Variants in ATRNL1 observed in about 807,000 individuals in gnomAD.
ATRNL1 encodes the protein attractin-like protein 1.
A neutral mutation model predicts 182.7 loss-of-function variants in ATRNL1; 95 were observed. The observed-to-expected ratio is 0.52, with a 90% CI of 0.44 to 0.62. ATRNL1 has a LOEUF of 0.62. Among genes scored for constraint, ATRNL1 ranks in the 20% least tolerant of loss-of-function variants. The pLI, the probability that ATRNL1 is intolerant of heterozygous loss-of-function variation, is 0.00. For synonymous variants in ATRNL1, 576 were observed against 568.3 expected, an observed-to-expected ratio of 1.01 and a Z score of -0.19; for missense variants, 1,471 against 1,679.5, an observed-to-expected ratio of 0.88 and a Z score of 2.17.
At chr10:115,681,577 G>T (rs1946047484) in intron 26 of ATRNL1, among the ~76,000 whole-genome samples, 1 of 152,032 alleles carries the variant, frequency 6.6e-6, no homozygotes, top group Non-Finnish European at 1.5e-5. Context: ...TTGATAGAAG[G>T]TTGTGTTTTT....
intron 5 of ATRNL1, among the ~76,000 whole-genome samples, chr10:115,150,862 A>G (rs1229183844): frequency 6.6e-6 from 1 of 152,076 alleles, no homozygotes; most frequent in Non-Finnish European, 1.5e-5. Context: ...TCCTAATGCT[A>G]TCCCTCCCTG....
intron 28 of ATRNL1, among the ~76,000 whole-genome samples, chr10:115,861,758 G>A (rs1565443654): frequency 6.6e-6 from 1 of 151,758 alleles, no homozygotes; most frequent in African/African-American, 2.4e-5. Flanking sequence ...TGATACTCTG[G>A]TCATTCATAA....
intron 26 of ATRNL1, among the ~76,000 whole-genome samples, chr10:115,700,879 A>G (rs1555051333): frequency 6.6e-6 from 1 of 152,146 alleles, no homozygotes; most frequent in African/African-American, 2.4e-5. Context: ...CACCCCACTA[A>G]CAGCATTAGA....
intron 5 of ATRNL1, among the ~76,000 whole-genome samples, chr10:115,132,625 A>C (rs1362091809): frequency 6.6e-6 from 1 of 152,116 alleles, no homozygotes; most frequent in East Asian, 1.9e-4. Context: ...TCGCCATTCT[A>C]ACTGGTGTGA....
chr10:115,284,225 T>C (rs922792292), intron 14 of ATRNL1, among the ~76,000 whole-genome samples: 3 of 152,204 alleles, frequency 2.0e-5, no homozygotes, highest in African/African-American at 7.2e-5. Flanking sequence ...GGTTTGGTAG[T>C]ATAATTTAGT....
At chr10:115,366,404 A>G (rs1353609920) in intron 19 of ATRNL1, among the ~76,000 whole-genome samples, 2 of 152,014 alleles carry the variant, frequency 1.3e-5, no homozygotes, top group South Asian at 4.2e-4. Flanking sequence ...TTTTGAGCCT[A>G]TGTGTGTCTC....
At chr10:115,634,315 A>T (rs1343883910) in intron 26 of ATRNL1, among the ~76,000 whole-genome samples, 1 of 152,174 alleles carries the variant, frequency 6.6e-6, no homozygotes, top group African/African-American at 2.4e-5. Flanking sequence ...ATTAGTGTCT[A>T]TAATGGTACT....
intron 26 of ATRNL1, among the ~76,000 whole-genome samples, chr10:115,709,250 G>A (rs76533501): frequency 0.015 from 2,343 of 151,908 alleles, 60 homozygotes; most frequent in East Asian, 0.14. Flanking sequence ...TCTGAAGAAA[G>A]CCCGAAACAC....
At chr10:115,533,375 C>T (rs1592802638) in intron 25 of ATRNL1, among the ~76,000 whole-genome samples, 1 of 151,912 alleles carries the variant, frequency 6.6e-6, no homozygotes, top group African/African-American at 2.4e-5. Flanking sequence ...TCTAGATTTT[C>T]TAGTTTATTT....
chr10:115,843,364 A>G (rs191797510), intron 27 of ATRNL1, among the ~76,000 whole-genome samples: 4 of 152,252 alleles, frequency 2.6e-5, no homozygotes. Flanking sequence ...AGTGGGAAAT[A>G]GACATTTACC....
chr10:115,673,083 G>T (rs1362465329), intron 26 of ATRNL1, among the ~76,000 whole-genome samples: 8 of 151,966 alleles, frequency 5.3e-5, no homozygotes, highest in African/African-American at 1.9e-4. Context: ...AGTTCGTGTT[G>T]TTTCCTAGTG....
At chr10:115,339,772 T>C (rs983372374) in intron 19 of ATRNL1, among the ~76,000 whole-genome samples, 1 of 152,258 alleles carries the variant, frequency 6.6e-6, no homozygotes, top group African/African-American at 2.4e-5. Flanking sequence ...GCATCCTTAT[T>C]GTGTTCCAGA....
chr10:115,311,994 A>G (rs1188060084), intron 17 of ATRNL1, among the ~76,000 whole-genome samples: 2 of 151,848 alleles, frequency 1.3e-5, no homozygotes, highest in African/African-American at 4.8e-5. Flanking sequence ...GTCTATAAGA[A>G]TCTTTAAATG....
intron 9 of ATRNL1, among the ~76,000 whole-genome samples, chr10:115,222,385 T>G (rs1849503286): frequency 6.6e-6 from 1 of 152,158 alleles, no homozygotes. Context: ...AAGACAAATG[T>G]GTAACATTAT....
chr10:115,363,598 C>G (rs1260736077), intron 19 of ATRNL1, among the ~76,000 whole-genome samples: 2 of 149,750 alleles, frequency 1.3e-5, no homozygotes, highest in Non-Finnish European at 3.0e-5. Flanking sequence ...TTGCCCATGC[C>G]TATGTCCTGA....
At chr10:115,482,255 C>A (rs1308921199) in intron 24 of ATRNL1, among the ~76,000 whole-genome samples, 1 of 150,916 alleles carries the variant, frequency 6.6e-6, no homozygotes, top group African/African-American at 2.4e-5. Context: ...TTAAATATTG[C>A]CTTACAAATG....
At chr10:115,334,510 A>G in intron 19 of ATRNL1, 91 bp downstream of exon 19, 1 of 969,582 alleles carries the variant, frequency 1.0e-6, no homozygotes, top group Non-Finnish European at 1.4e-6. Context: ...ATATACTACT[A>G]CAGAAAATTT....
Position 115,394,705 on chromosome 10 carries a change from A to G in ATRNL1, c.3222A>G (p.Gly1074=). Residue 1074 remains glycine, a synonymous_variant, in exon 20 of 29, where the codon GGA becomes GGG. Transcript: ENST00000355044. ...GHANICHLHT[G]KCFCTTKGIK... ...CAAATATCTGTCATCTGCACACAGG[A>G]AAATGTTTCTGCACAACTAAAGGAA... 6.2e-7 allele frequency: 1 copy of G among 1,610,678 alleles called. No homozygotes were observed. Among genetic ancestry groups the G allele is most frequent in the South Asian group, 1.1e-5 (1 of 90,534 alleles).
intron 9 of ATRNL1, among the ~76,000 whole-genome samples, chr10:115,218,738 T>C (rs1249318382): frequency 1.3e-5 from 2 of 152,218 alleles, no homozygotes; most frequent in Non-Finnish European, 2.9e-5. Flanking sequence ...GCAGTTGTTA[T>C]TCTCTCCTGA....
Sources: allele counts gnomAD v4.1 joint callset (sites outside exome capture counted in the v4.1 genomes callset), GRCh38; gene constraint gnomAD v4.1.1; transcripts MANE v1.5; gene names NCBI Gene and HGNC (gene_info 2026-07-23, HGNC 2026-07-21).